The following PTPN4 variants were observed in gnomAD, a reference collection of about 807,000 sequenced individuals.
The protein encoded by PTPN4 is protein tyrosine phosphatase non-receptor type 4, also known as tyrosine-protein phosphatase non-receptor type 4.
In PTPN4, 49 loss-of-function variants were observed where a neutral mutation model predicts 135.5. The observed-to-expected ratio is 0.36, with a 90% confidence interval of 0.29 to 0.46. The LOEUF (loss-of-function observed/expected upper bound fraction) is 0.46, where lower values mean the gene tolerates loss of function less well. Among genes scored for constraint, PTPN4 ranks in the 20% least tolerant of loss-of-function variants. The pLI is 1.00. For missense variants in PTPN4, 860 were observed against 1,101.0 expected (o/e 0.78, Z 3.10); for synonymous variants, 333 against 369.9 (o/e 0.90, Z 1.14).
intron 3 of PTPN4, among the ~76,000 whole-genome samples, chr2:119,876,702 T>C (rs1677987570): frequency 6.6e-6 from 1 of 152,146 alleles, no homozygotes; most frequent in East Asian, 1.9e-4. Context: ...GTATTGAAAC[T>C]GCTTAAAATT....
chr2:119,957,123 C>T, intron 22 of PTPN4, 46 bp downstream of exon 22: 1 of 1,510,988 alleles, frequency 6.6e-7, no homozygotes, highest in East Asian at 2.3e-5. Context: ...AAAATACGAG[C>T]CACTATGAAC....
chr2:119,837,309 C>T (rs904631392), intron 2 of PTPN4, among the ~76,000 whole-genome samples: 1 of 152,120 alleles, frequency 6.6e-6, no homozygotes, highest in Non-Finnish European at 1.5e-5. Flanking sequence ...TGGGAAGGGG[C>T]TACCCATCAG....
Position 119,915,207 on chromosome 2 carries a change from T to C in PTPN4, c.793T>C (p.Cys265Arg), listed in dbSNP as rs780994303. Residue 265 changes from cysteine (C) to arginine (R), a missense_variant, in exon 11 of 27, where the codon TGC becomes CGC. Physicochemically the swap from Cys to Arg is radical, Grantham distance 180. Transcript: ENST00000263708. ...WLKIVKISFK[C>R]KQFFIQLRKE... Reference sequence around the variant, plus strand: ...GAAGATTGTAAAAATTTCTTTTAAGTGCAAACAGTTTTTTATTCAACTTAG... The same window carrying C: ...GAAGATTGTAAAAATTTCTTTTAAGCGCAAACAGTTTTTTATTCAACTTAG... 1.9e-6 allele frequency: 3 copies of C among 1,541,702 alleles called. No homozygotes were observed. Among genetic ancestry groups the C allele is most frequent in the African/African-American group, 1.4e-5 (1 of 70,602 alleles).
intron 8 of PTPN4, among the ~76,000 whole-genome samples, chr2:119,883,002 G>C (rs955250523): frequency 6.6e-6 from 1 of 152,084 alleles, no homozygotes; most frequent in Admixed American, 6.5e-5. Flanking sequence ...AGGAGAACAG[G>C]AACTCTATAT....
Position 119,932,535 on chromosome 2 carries a change from G to C in PTPN4, c.1182G>C (p.Pro394=), listed in dbSNP as rs140598634. The C allele has an allele frequency of 1.2e-6, 2 of 1,608,394 alleles. No homozygotes were observed. Among genetic ancestry groups the C allele is most frequent in the Non-Finnish European group, 1.7e-6 (2 of 1,177,314 alleles). ...AAAGTCTTCCATCACGATCTCCACC[G>C]GGAACTCCTAATCAGTAAGTGTGAA... is the stretch of plus-strand genomic sequence containing the variant. ...ETQSLPSRSP[P]GTPNHRNSTF... The change falls in exon 14 of 27, where the codon CCG becomes CCC. Residue 394 remains proline, a synonymous_variant. Transcript: ENST00000263708.
Position 119,919,942 on chromosome 2 carries a change from T to A in PTPN4, c.829-127T>A, listed in dbSNP as rs1678713136. The A allele has an allele frequency of 3.2e-6, 4 of 1,266,728 alleles. No individual in the cohort carries two copies. The South Asian group carries it at 8.2e-5, about 26-fold the overall frequency. The allele number at this position is 1,266,728 out of a possible 1,614,324, so 78.5% of individuals were successfully genotyped here. A position where few individuals can be genotyped will look rare whatever the true frequency, so the allele number is the denominator to read the frequency against. On this transcript the variant is annotated intron_variant, in intron 11 of 26. Coordinates refer to ENST00000263708, the MANE Select transcript of PTPN4 (RefSeq NM_002830.4). Reference sequence around the variant, plus strand: ...ATCCTAGATAAAAGATCCCATAGGTTCTATCTATATCATTAACAAGTTCAT... The same window carrying A: ...ATCCTAGATAAAAGATCCCATAGGTACTATCTATATCATTAACAAGTTCAT...
At position 119,922,601 on chromosome 2, in the gene PTPN4, T is replaced by A. The variant is rs528211653; in HGVS notation, c.1001+2360T>A. ...TTTGCTAAATTTTGTTTAGGATTTT[T>A]GCATATGTGTTTATGAGGGATATAT... is the stretch of plus-strand genomic sequence containing the variant. On this transcript the variant is annotated intron_variant, in intron 12 of 26. Coordinates refer to ENST00000263708, the MANE Select transcript of PTPN4 (RefSeq NM_002830.4). Among the ~76,000 whole-genome samples, 9 of 152,340 alleles carry A rather than the reference T, an allele frequency of 5.9e-5. No individual in the cohort carries two copies. In the East Asian group the frequency reaches 1.7e-3, roughly 29 times the overall value.
At chr2:119,816,693 A>G (rs1676992405) in intron 2 of PTPN4, among the ~76,000 whole-genome samples, 1 of 152,168 alleles carries the variant, frequency 6.6e-6, no homozygotes, top group Admixed American at 6.5e-5. Flanking sequence ...GTGACACCCA[A>G]AGTGTGTTGC....
rs191752363 is a variant in PTPN4, at chr2:119,848,755, C to T, written c.139-13781C>T. The stretch of plus-strand genomic sequence containing the variant: ...AGCTGGGATTGCAGGCACATGCCAC[C>T]ACGCCTAGCTAGTTTTTGTATTTTT... On this transcript the variant is annotated intron_variant, in intron 2 of 26. Transcript: ENST00000263708. Among the ~76,000 whole-genome samples, 1,163 of 152,094 alleles carry T rather than the reference C, an allele frequency of 7.6e-3. 17 individuals are homozygous for T. Among genetic ancestry groups the T allele is most frequent in the Admixed American group, 0.032 (496 of 15,276 alleles).
At chr2:119,773,987 A>G (rs529973629) in intron 1 of PTPN4, among the ~76,000 whole-genome samples, 1 of 152,364 alleles carries the variant, frequency 6.6e-6, no homozygotes, top group Admixed American at 6.5e-5. Flanking sequence ...GTATTACTGT[A>G]ATAATGTAAT....
intron 1 of PTPN4, among the ~76,000 whole-genome samples, chr2:119,781,147 A>G (rs1178099809): frequency 1.3e-5 from 2 of 152,096 alleles, no homozygotes; most frequent in African/African-American, 4.8e-5. Context: ...TTGAGGGCTT[A>G]CTTCCTTACT....
chr2:119,938,348 C>T (rs1377714457), intron 15 of PTPN4, among the ~76,000 whole-genome samples: 1 of 151,844 alleles, frequency 6.6e-6, no homozygotes, highest in Non-Finnish European at 1.5e-5. Flanking sequence ...AGGATAGTCT[C>T]GATCTCCTGA....
At chr2:119,970,766 A>G (rs564365659) in intron 26 of PTPN4, among the ~76,000 whole-genome samples, 1 of 152,304 alleles carries the variant, frequency 6.6e-6, no homozygotes, top group East Asian at 1.9e-4. Context: ...TAATGCTGCC[A>G]TGAATTTTTA....
At chr2:119,782,923 G>T (rs1313742820) in intron 1 of PTPN4, among the ~76,000 whole-genome samples, 2 of 150,658 alleles carry the variant, frequency 1.3e-5, no homozygotes, top group Admixed American at 6.6e-5. Context: ...CCCCAGGCTG[G>T]TCTTCAACTC....
chr2:119,770,004 C>T (rs868867630), intron 1 of PTPN4, among the ~76,000 whole-genome samples: 1 of 152,142 alleles, frequency 6.6e-6, no homozygotes, highest in Admixed American at 6.5e-5. Context: ...TAAGTATATT[C>T]TTGTATATAG....
At chr2:119,860,956 G>A (rs977737566) in intron 2 of PTPN4, among the ~76,000 whole-genome samples, 5 of 151,686 alleles carry the variant, frequency 3.3e-5, no homozygotes, top group African/African-American at 1.2e-4. Flanking sequence ...CAGGAGAATC[G>A]CTTGAACGTG....
At chr2:119,785,203 A>C (rs916434362) in intron 1 of PTPN4, among the ~76,000 whole-genome samples, 11 of 152,172 alleles carry the variant, frequency 7.2e-5, no homozygotes, top group African/African-American at 2.4e-4. Flanking sequence ...GTGGAGGACA[A>C]ACTTGCCCCT....
chr2:119,953,543 G>A (rs559281522), intron 19 of PTPN4, among the ~76,000 whole-genome samples: 15 of 152,092 alleles, frequency 9.9e-5, no homozygotes, highest in Admixed American at 9.2e-4. Flanking sequence ...TGATACTTAG[G>A]TGAGTCATTA....
At chr2:119,824,370 T>A (rs1677115330) in intron 2 of PTPN4, among the ~76,000 whole-genome samples, 1 of 152,190 alleles carries the variant, frequency 6.6e-6, no homozygotes, top group Non-Finnish European at 1.5e-5. Context: ...TTAAAAAAAT[T>A]GAGACATTCT....
Sources: allele counts gnomAD v4.1 joint callset (sites outside exome capture counted in the v4.1 genomes callset), GRCh38; gene constraint gnomAD v4.1.1; transcripts MANE v1.5; gene names NCBI Gene and HGNC (gene_info 2026-07-23, HGNC 2026-07-21).